The following FRMPD1 variants were observed in gnomAD, a reference collection of about 807,000 sequenced individuals.
FRMPD1 encodes FERM and PDZ domain-containing protein 1.
A neutral mutation model predicts 117.8 loss-of-function variants in FRMPD1; 76 were observed. The ratio of observed to expected loss-of-function variants is 0.65; its 90% CI spans 0.54 to 0.78. The LOEUF (loss-of-function observed/expected upper bound fraction) is 0.78. FRMPD1 is among the 30% of genes least tolerant of loss of function. The pLI, the probability that FRMPD1 is intolerant of heterozygous loss-of-function variation, is 0.00. For missense variants in FRMPD1, 1,786 were observed against 1,964.5 expected, an observed-to-expected ratio of 0.91 and a Z score of 1.72; for synonymous variants, 783 against 770.4, an observed-to-expected ratio of 1.02 and a Z score of -0.27.
the FRMPD1 span, among the ~76,000 whole-genome samples, chr9:37,628,000 C>T: frequency 6.8e-3 from 1,042 of 152,280 alleles, 20 homozygotes; most frequent in African/African-American, 0.024. Flanking sequence ...AGGACCGTGA[C>T]TTATAACGGC....
chr9:37,613,581 A>G, the FRMPD1 span, among the ~76,000 whole-genome samples: 1 of 152,176 alleles, frequency 6.6e-6, no homozygotes, highest in Non-Finnish European at 1.5e-5. Flanking sequence ...AAATATTTTA[A>G]AATTTGTTCC....
the FRMPD1 span, among the ~76,000 whole-genome samples, chr9:37,625,544 G>C: frequency 6.6e-6 from 1 of 152,150 alleles, no homozygotes; most frequent in Non-Finnish European, 1.5e-5. Flanking sequence ...GCCAACCAAA[G>C]GACTCTGGGA....
chr9:37,643,061 T>A, the FRMPD1 span, among the ~76,000 whole-genome samples: 1 of 152,238 alleles, frequency 6.6e-6, no homozygotes, highest in Non-Finnish European at 1.5e-5. Context: ...AATAACTTAT[T>A]ACAGTCTACT....
At chr9:37,613,285 G>A in the FRMPD1 span, among the ~76,000 whole-genome samples, 11 of 152,112 alleles carry the variant, frequency 7.2e-5, no homozygotes, top group Non-Finnish European at 1.0e-4. Flanking sequence ...TATGTGACAG[G>A]CATCATAGCA....
chr9:37,653,779 A>AC (rs36073891), intron 1 of FRMPD1, among the ~76,000 whole-genome samples: 10,425 of 152,128 alleles, frequency 0.069, 429 homozygotes, highest in Middle Eastern at 0.13. Context: ...GCATAGTGAG[A>AC]CCCCATCTCT....
chr9:37,714,732 C>T (rs1017704851), intron 5 of FRMPD1, among the ~76,000 whole-genome samples: 8 of 151,894 alleles, frequency 5.3e-5, no homozygotes, highest in East Asian at 1.9e-4. Context: ...CTGCAACCTC[C>T]GCCTCCTGGG....
At chr9:37,727,274 G>A (rs1823655159) in intron 7 of FRMPD1, among the ~76,000 whole-genome samples, 1 of 152,122 alleles carries the variant, frequency 6.6e-6, no homozygotes, top group Non-Finnish European at 1.5e-5. Context: ...TCTAGATCAA[G>A]AGTCAGCAAA....
intron 2 of FRMPD1, among the ~76,000 whole-genome samples, chr9:37,699,363 A>C (rs1822453335): frequency 7.0e-6 from 1 of 143,018 alleles, no homozygotes; most frequent in Non-Finnish European, 1.5e-5. Flanking sequence ...TCTGTTGCCC[A>C]GGCTGGAGTA....
chr9:37,746,693 T>A lies in FRMPD1; in HGVS notation c.4661T>A (p.Leu1554Gln). ...RGYHDLSVKL[L>Q]ARQCTALTAA... ...TACCACGACCTGAGTGTGAAACTCC[T>A]GGCCCGTCAGTGCACGGCCCTCACG... The change falls in exon 16 of 16, where the codon CTG (leucine) becomes CAG (glutamine). Residue 1554 changes from leucine (L) to glutamine (Q), a missense_variant. Physicochemically the swap from Leu to Gln is moderately radical, Grantham distance 113. Transcript: ENST00000377765. The A allele has an allele frequency of 6.2e-7, 1 of 1,614,086 alleles. No homozygotes were observed. Among genetic ancestry groups the A allele is most frequent in the Middle Eastern group, 1.6e-4 (1 of 6,062 alleles).
chr9:37,734,510 G>A (rs973529552), intron 12 of FRMPD1, among the ~76,000 whole-genome samples: 1 of 151,954 alleles, frequency 6.6e-6, no homozygotes, highest in Non-Finnish European at 1.5e-5. Flanking sequence ...TCAGTGTCTC[G>A]GGGGTATGGT....
intron 15 of FRMPD1, among the ~76,000 whole-genome samples, chr9:37,741,439 G>A (rs1824413044): frequency 7.2e-6 from 1 of 139,274 alleles, no homozygotes; most frequent in African/African-American, 2.9e-5. Context: ...GCAGAACTGA[G>A]ATCCTGGCAG....
Position 37,746,281 on chromosome 9 carries a change from A to G in FRMPD1, c.4249A>G (p.Ser1417Gly). ...ALRQLKATPA[S>G]TPEGFIQLME... ...GAGACAGCTGAAAGCCACCCCTGCC[A>G]GCACCCCTGAGGGCTTCATCCAACT... The change falls in exon 16 of 16, where the codon AGC becomes GGC. Residue 1417 changes from serine to glycine, a missense_variant. Coordinates refer to ENST00000377765, the MANE Select transcript of FRMPD1 (RefSeq NM_014907.3). The G allele has an allele frequency of 6.2e-7, 1 of 1,612,800 alleles. No individual in the cohort carries two copies. Among genetic ancestry groups the G allele is most frequent in the Non-Finnish European group, 8.5e-7 (1 of 1,179,820 alleles).
rs767805034 is a variant in FRMPD1 at position 37,735,645 on chromosome 9, T to A, written c.1312T>A (p.Leu438Met). The A allele has an allele frequency of 1.2e-6, 2 of 1,613,820 alleles. No individual in the cohort carries two copies. The highest frequency in any genetic ancestry group is 3.3e-5 in the Admixed American group (2 of 60,028). The change falls in exon 13 of 16, where the codon TTG (leucine) becomes ATG (methionine). Residue 438 changes from leucine (L) to methionine (M), a missense_variant. Leu to Met is a conservative substitution (Grantham distance 15). Coordinates refer to ENST00000377765, the MANE Select transcript of FRMPD1 (RefSeq NM_014907.3). ...INSKLNIMSTLAEFANISRVE... is the reference protein window; with the variant it reads ...INSKLNIMSTMAEFANISRVE... Reference sequence around the variant, plus strand: ...TAGCAAACTCAACATCATGTCCACATTGGCAGAGTTTGCAAACATCAGCCG... The same window carrying A: ...TAGCAAACTCAACATCATGTCCACAATGGCAGAGTTTGCAAACATCAGCCG...
At chr9:37,637,366 C>T in the FRMPD1 span, 7 of 753,178 alleles carry the variant, frequency 9.3e-6, no homozygotes, top group Non-Finnish European at 9.5e-6. Context: ...TGGTGGCCGC[C>T]GATGTTTTTT....
At chr9:37,661,503 CTG>C (rs1254280952) in intron 1 of FRMPD1, among the ~76,000 whole-genome samples, 3 of 152,142 alleles carry the variant, frequency 2.0e-5, no homozygotes, top group Non-Finnish European at 4.4e-5. Flanking sequence ...AAGACTGGTT[CTG>C]TGTGTTAGAG....
chr9:37,698,967 G>A (rs1049629416), intron 2 of FRMPD1, among the ~76,000 whole-genome samples: 3 of 151,852 alleles, frequency 2.0e-5, no homozygotes, highest in African/African-American at 2.4e-5. Flanking sequence ...TCGAACTCCC[G>A]ACCTCAGGTG....
chr9:37,622,056 T>G, the FRMPD1 span, among the ~76,000 whole-genome samples: 1 of 152,180 alleles, frequency 6.6e-6, no homozygotes, highest in Non-Finnish European at 1.5e-5. Flanking sequence ...ACATTTTTGC[T>G]TTAGCAGTAA....
intron 5 of FRMPD1, among the ~76,000 whole-genome samples, chr9:37,713,298 G>A (rs552470181): frequency 2.6e-5 from 4 of 152,234 alleles, no homozygotes; most frequent in African/African-American, 9.6e-5. Flanking sequence ...AAGTTCAAGA[G>A]TAGATGCTAG....
In FRMPD1 at chr9:37,685,372, A is replaced by T. The variant is rs10814598; in HGVS notation, c.-4-7266A>T. Among the ~76,000 whole-genome samples, 74 of 152,148 alleles carry T rather than the reference A, an allele frequency of 4.9e-4. 2 individuals are homozygous for T. The highest frequency in any genetic ancestry group is 1.4e-3 in the African/African-American group (60 of 41,498). On this transcript the variant is annotated intron_variant, in intron 1 of 15. Transcript: ENST00000377765. ...ATAAATTTGCCTTTCGGCTGGGCGC[A>T]GTGGCTCACGCCTGTAATCCCAGCA... is the stretch of plus-strand genomic sequence containing the variant.
Sources: allele counts gnomAD v4.1 joint callset (sites outside exome capture counted in the v4.1 genomes callset), GRCh38; gene constraint gnomAD v4.1.1; transcripts MANE v1.5; gene names NCBI Gene and HGNC (gene_info 2026-07-23, HGNC 2026-07-21).